The following ADAM10 variants were observed in gnomAD, a reference collection of about 807,000 sequenced individuals.
ADAM10 encodes the protein ADAM metallopeptidase domain 10, also known as disintegrin and metalloproteinase domain-containing protein 10.
ADAM10 carries 17 observed loss-of-function variants against 90.1 expected under a neutral mutation model. The ratio of observed to expected loss-of-function variants is 0.19; its 90% CI spans 0.13 to 0.28. ADAM10 has a LOEUF of 0.28. Ranked by LOEUF, ADAM10 falls within the 10% of genes least tolerant of loss-of-function variation. ADAM10 has a pLI of 1.00. For missense variants in ADAM10, 610 were observed against 914.3 expected (o/e 0.67, Z 4.29); for synonymous variants, 310 against 298.6 (o/e 1.04, Z -0.40).
intron 1 of ADAM10, among the ~76,000 whole-genome samples, chr15:58,749,230 G>A (rs1393342536): frequency 6.6e-6 from 1 of 152,200 alleles, no homozygotes; most frequent in Admixed American, 6.5e-5. Flanking sequence ...CGCCTCCCGG[G>A]GCCGCCAGGG....
chr15:58,691,437 A>G (rs1468213218), intron 2 of ADAM10: 12 of 663,742 alleles, frequency 1.8e-5, no homozygotes, highest in Admixed American at 5.5e-5. Flanking sequence ...GCACTCACCA[A>G]TGATGTCACA....
At chr15:58,652,819 T>C (rs554387949) in intron 5 of ADAM10, among the ~76,000 whole-genome samples, 134 of 152,220 alleles carry the variant, frequency 8.8e-4, no homozygotes, top group African/African-American at 3.0e-3. Flanking sequence ...TTTGTAATTA[T>C]GGACATTTTA....
chr15:58,663,671 TA>T (rs1897018514), intron 5 of ADAM10, among the ~76,000 whole-genome samples: 1 of 152,150 alleles, frequency 6.6e-6, no homozygotes, highest in Non-Finnish European at 1.5e-5. Flanking sequence ...ATAATATTAT[TA>T]TTTCCCATTA....
chr15:58,691,229 G>A, intron 2 of ADAM10: 1 of 866,814 alleles, frequency 1.2e-6, no homozygotes, highest in Non-Finnish European at 2.0e-6. Flanking sequence ...ACTTTACGTT[G>A]CTCTCCTCCA....
intron 2 of ADAM10, among the ~76,000 whole-genome samples, chr15:58,710,991 G>A (rs1201162288): frequency 6.6e-6 from 1 of 152,144 alleles, no homozygotes; most frequent in African/African-American, 2.4e-5. Flanking sequence ...GCCTTTTACA[G>A]GTTACCTGGG....
In ADAM10 at chr15:58,591,395, T is replaced by C. The variant is rs577067955; in HGVS notation, c.*6152A>G. ...CTGCTAAAATAAAAACAGTAATGAATCAGCTTCTATAGGAATTTGATTCAC... is the reference window on the plus strand; with the variant it reads ...CTGCTAAAATAAAAACAGTAATGAACCAGCTTCTATAGGAATTTGATTCAC... On this transcript the variant is annotated 3_prime_UTR_variant, in exon 16 of 16. Transcript: ENST00000260408. 1 of 152,206 alleles carries C rather than the reference T, an allele frequency of 6.6e-6. No individual in the cohort carries two copies. Among genetic ancestry groups the C allele is most frequent in the Admixed American group, 6.5e-5 (1 of 15,284 alleles). 9.4% of individuals were successfully genotyped at this position (152,206 alleles called of 1,614,324 possible).
At chr15:58,674,075 G>A (rs1473614179) in intron 4 of ADAM10, among the ~76,000 whole-genome samples, 2 of 151,876 alleles carry the variant, frequency 1.3e-5, no homozygotes, top group East Asian at 1.9e-4. Flanking sequence ...TTCCAATTTA[G>A]TATCCTACAT....
intron 5 of ADAM10, among the ~76,000 whole-genome samples, chr15:58,655,706 A>ATACTATATAT (rs1275207154): frequency 1.8e-5 from 1 of 56,900 alleles, no homozygotes; most frequent in African/African-American, 1.5e-4. Flanking sequence ...GTATATATAT[A>ATACTATATAT]TATAGTATAT....
intron 9 of ADAM10, among the ~76,000 whole-genome samples, chr15:58,632,838 G>A (rs1357745607): frequency 6.6e-6 from 1 of 152,080 alleles, no homozygotes; most frequent in African/African-American, 2.4e-5. Context: ...ACAATTTGCT[G>A]AACATTCAAA....
intron 4 of ADAM10, among the ~76,000 whole-genome samples, chr15:58,667,352 TTA>T (rs1221027022): frequency 2.0e-5 from 3 of 152,124 alleles, no homozygotes; most frequent in African/African-American, 7.2e-5. Flanking sequence ...GGAGGAATAT[TTA>T]CAGTTCAGAT....
At chr15:58,700,870 G>A (rs1338109922) in intron 2 of ADAM10, among the ~76,000 whole-genome samples, 4 of 151,508 alleles carry the variant, frequency 2.6e-5, no homozygotes, top group Non-Finnish European at 5.9e-5. Flanking sequence ...AAAAAAAACA[G>A]CCCAGAGCCC....
chr15:58,683,418 T>C (rs1385838964), intron 2 of ADAM10, among the ~76,000 whole-genome samples: 1 of 152,140 alleles, frequency 6.6e-6, no homozygotes, highest in Non-Finnish European at 1.5e-5. Context: ...GTTGGTACAA[T>C]CTCTATGGTG....
At chr15:58,610,742 A>G (rs894325535) in intron 13 of ADAM10, 34 of 643,882 alleles carry the variant, frequency 5.3e-5, no homozygotes, top group African/African-American at 4.4e-4. Flanking sequence ...GTCCACGATG[A>G]CTTAAAGTCT....
chr15:58,591,486 C>G lies in ADAM10; in HGVS notation c.*6061G>C, dbSNP rs1894824264. The G allele has an allele frequency of 6.6e-6, 1 of 151,952 alleles. No individual in the cohort carries two copies. Among genetic ancestry groups the G allele is most frequent in the Admixed American group, 6.6e-5 (1 of 15,260 alleles). The allele number at this position is 151,952 out of a possible 1,614,324, so 9.4% of individuals were successfully genotyped here. ...CTATTTTGCCCAGGCTGGTCTCTAA[C>G]TCCTGAGCTCAAGTGATCCTCCCAC... On this transcript the variant is annotated 3_prime_UTR_variant, in exon 16 of 16. Coordinates refer to ENST00000260408, the MANE Select transcript of ADAM10 (RefSeq NM_001110.4).
At chr15:58,687,767 T>C (rs983375420) in intron 2 of ADAM10, among the ~76,000 whole-genome samples, 1 of 152,052 alleles carries the variant, frequency 6.6e-6, no homozygotes, top group Non-Finnish European at 1.5e-5. Flanking sequence ...TGTACAAACT[T>C]CAAAAAAATT....
intron 6 of ADAM10, among the ~76,000 whole-genome samples, chr15:58,644,240 T>G (rs976924878): frequency 1.1e-4 from 16 of 151,578 alleles, no homozygotes; most frequent in African/African-American, 3.9e-4. Flanking sequence ...TTTTGTTTTT[T>G]TTTTTGGAGA....
intron 5 of ADAM10, among the ~76,000 whole-genome samples, chr15:58,655,711 G>GTGTGTGTATATATATA: frequency 1.9e-5 from 1 of 53,708 alleles, no homozygotes; most frequent in Admixed American, 2.8e-4. Flanking sequence ...TATATATATA[G>GTGTGTGTATATATATA]TATATATATA....
At chr15:58,667,422 A>G (rs7177678) in intron 4 of ADAM10, among the ~76,000 whole-genome samples, 68,223 of 151,928 alleles carry the variant, frequency 0.45, 18,880 homozygotes, top group African/African-American at 0.76. Flanking sequence ...ACTACCTCCA[A>G]CAGGGTACCC....
chr15:58,644,341 T>G (rs1400918666), intron 6 of ADAM10, among the ~76,000 whole-genome samples: 1 of 151,700 alleles, frequency 6.6e-6, no homozygotes, highest in Non-Finnish European at 1.5e-5. Flanking sequence ...GTGATTCTCC[T>G]GCCTCAGCCT....
Sources: allele counts gnomAD v4.1 joint callset (sites outside exome capture counted in the v4.1 genomes callset), GRCh38; gene constraint gnomAD v4.1.1; transcripts MANE v1.5; gene names NCBI Gene and HGNC (gene_info 2026-07-23, HGNC 2026-07-21).